BCL2L11: variants seen among roughly 807,000 people sequenced by gnomAD.
The protein encoded by BCL2L11 is BCL2 like 11.
A neutral mutation model predicts 20.6 loss-of-function variants in BCL2L11; 15 were observed. The ratio of observed to expected loss-of-function variants is 0.73; its 90% CI spans 0.49 to 1.12. BCL2L11 has a LOEUF of 1.12. Ranked by LOEUF, BCL2L11 falls within the 50% of genes most tolerant of loss-of-function variation. The probability of loss-of-function intolerance (pLI) is 0.00; values close to 1 mark genes in which losing one functional copy is unlikely to be tolerated. For missense variants in BCL2L11, 292 were observed against 260.9 expected (o/e 1.12, Z -0.82); for synonymous variants, 108 against 92.8 (o/e 1.16, Z -0.94).
chr2:111,141,207 A>G (rs1054496276), intron 2 of BCL2L11, among the ~76,000 whole-genome samples: 3 of 152,136 alleles, frequency 2.0e-5, no homozygotes, highest in South Asian at 2.1e-4. Flanking sequence ...AGTTAGAACA[A>G]TCCACACGTA....
intron 2 of BCL2L11, among the ~76,000 whole-genome samples, chr2:111,128,406 G>T (rs1327169646): frequency 2.6e-5 from 4 of 151,908 alleles, no homozygotes. Context: ...ATGAACATGG[G>T]TATGCAAATA....
intron 3 of BCL2L11, among the ~76,000 whole-genome samples, chr2:111,162,275 A>C (rs1202848333): frequency 6.6e-6 from 1 of 152,190 alleles, no homozygotes; most frequent in Non-Finnish European, 1.5e-5. Flanking sequence ...AGCGTGTGCC[A>C]TGTTGTCATG....
intron 3 of BCL2L11, among the ~76,000 whole-genome samples, chr2:111,158,986 C>T (rs918348685): frequency 6.6e-6 from 1 of 152,356 alleles, no homozygotes. Flanking sequence ...TGGGTGTCAG[C>T]CCTGCCTTTG....
At chr2:111,146,185 C>G in intron 2 of BCL2L11, 1 of 985,052 alleles carries the variant, frequency 1.0e-6, no homozygotes, top group Non-Finnish European at 1.2e-6. Context: ...CAGAATTTCC[C>G]CTTTGAAGAA....
At position 111,166,719 on chromosome 2, in the gene BCL2L11, G is replaced by A. The variant is rs916118219; in HGVS notation, c.*2488G>A. 3.3e-5 allele frequency: 5 copies of A among 152,588 alleles called. No homozygotes were observed. The highest frequency in any genetic ancestry group is 5.9e-5 in the Non-Finnish European group (4 of 68,036). The allele number at this position is 152,588 out of a possible 1,614,324, so 9.5% of individuals were successfully genotyped here. A position where few individuals can be genotyped will look rare whatever the true frequency, so the allele number is the denominator to read the frequency against. ...AAACACACACAAAATAGTTTCATGA[G>A]TGATTCTTCAGATGCCCTTCCCAAC... On this transcript the variant is annotated 3_prime_UTR_variant, in exon 4 of 4. Coordinates refer to ENST00000393256, the MANE Select transcript of BCL2L11 (RefSeq NM_138621.5).
chr2:111,142,199 C>T, intron 2 of BCL2L11: 1 of 848,578 alleles, frequency 1.2e-6, no homozygotes, highest in Non-Finnish European at 1.9e-6. Flanking sequence ...CCTTAACTTG[C>T]ACTTGTGCTA....
At chr2:111,134,703 T>G (rs2074543546) in intron 2 of BCL2L11, among the ~76,000 whole-genome samples, 1 of 152,236 alleles carries the variant, frequency 6.6e-6, no homozygotes, top group Admixed American at 6.5e-5. Flanking sequence ...ATGATAGGTC[T>G]GTTAGTAACA....
intron 2 of BCL2L11, among the ~76,000 whole-genome samples, chr2:111,142,073 C>G (rs889295764): frequency 6.6e-6 from 1 of 152,156 alleles, no homozygotes; most frequent in Non-Finnish European, 1.5e-5. Flanking sequence ...GGGCAGCAGC[C>G]GTGTCTGCCC....
chr2:111,122,340 C>G (rs2150121952), intron 1 of BCL2L11, among the ~76,000 whole-genome samples: 1 of 152,304 alleles, frequency 6.6e-6, no homozygotes, highest in South Asian at 2.1e-4. Context: ...GCTGCTAAGG[C>G]TTGTGTCCGG....
intron 3 of BCL2L11, chr2:111,161,443 C>G: frequency 1.3e-6 from 2 of 1,550,528 alleles, no homozygotes; most frequent in Non-Finnish European, 1.7e-6. Flanking sequence ...TGATTAAGAA[C>G]CACTGTAGCA....
At chr2:111,123,254 C>T in intron 1 of BCL2L11, 1 of 985,488 alleles carries the variant, frequency 1.0e-6, no homozygotes, top group Non-Finnish European at 1.2e-6. Context: ...CAGACCTTCC[C>T]CAGACTTGCT....
At chr2:111,124,481 G>A (rs181473690) in intron 2 of BCL2L11, among the ~76,000 whole-genome samples, 1 of 152,218 alleles carries the variant, frequency 6.6e-6, no homozygotes, top group East Asian at 1.9e-4. Context: ...TGGTAGAGAT[G>A]GGGTTTCACC....
At chr2:111,127,801 T>G (rs1282469713) in intron 2 of BCL2L11, among the ~76,000 whole-genome samples, 1 of 152,134 alleles carries the variant, frequency 6.6e-6, no homozygotes, top group African/African-American at 2.4e-5. Flanking sequence ...TAGTCTGAAC[T>G]GAGTTGTGCT....
chr2:111,142,842 C>G (rs1164313501), intron 2 of BCL2L11, among the ~76,000 whole-genome samples: 2 of 152,138 alleles, frequency 1.3e-5, no homozygotes, highest in African/African-American at 4.8e-5. Flanking sequence ...CCCTCTTGCC[C>G]AGATCTGGTT....
Position 111,121,498 on chromosome 2 carries a change from C to A in BCL2L11, c.-14+310C>A, listed in dbSNP as rs534159134. On this transcript the variant is annotated intron_variant, in intron 1 of 3. Coordinates refer to ENST00000393256, the MANE Select transcript of BCL2L11 (RefSeq NM_138621.5). ...CGGGCAGGAGGAGAGGCAGCGCGTG[C>A]CTTTCGGCGCCGGCCCGGGAGCTGA... Among the ~76,000 whole-genome samples the A allele has an allele frequency of 2.5e-4, 38 of 152,224 alleles. No individual in the cohort carries two copies. In the South Asian group the frequency reaches 6.8e-3, roughly 27 times the overall value.
Position 111,168,414 on chromosome 2 carries a change from T to C in BCL2L11, c.*4183T>C, listed in dbSNP as rs2079128483. On this transcript the variant is annotated 3_prime_UTR_variant, in exon 4 of 4. Coordinates refer to ENST00000393256, the MANE Select transcript of BCL2L11 (RefSeq NM_138621.5). ...CAGATTTTTAAACAATCTTTTATGTTAATTTTATAAAAATAAAACTTTCAA... is the reference window on the plus strand; with the variant it reads ...CAGATTTTTAAACAATCTTTTATGTCAATTTTATAAAAATAAAACTTTCAA... The C allele has an allele frequency of 6.5e-6, 1 of 152,700 alleles. No homozygotes were observed. Among genetic ancestry groups the C allele is most frequent in the Non-Finnish European group, 1.5e-5 (1 of 68,052 alleles). 9.5% of individuals were successfully genotyped at this position (152,700 alleles called of 1,614,324 possible).
chr2:111,154,223 C>G (rs1163284428), intron 3 of BCL2L11, among the ~76,000 whole-genome samples: 1 of 151,798 alleles, frequency 6.6e-6, no homozygotes, highest in African/African-American at 2.4e-5. Context: ...GTATATTTCC[C>G]AAAAATAGGA....
At chr2:111,126,111 T>A (rs1206039346) in intron 2 of BCL2L11, among the ~76,000 whole-genome samples, 3 of 152,172 alleles carry the variant, frequency 2.0e-5, no homozygotes, top group African/African-American at 7.2e-5. Flanking sequence ...AATGCATACA[T>A]TGGTCTCTGT....
chr2:111,129,288 C>T (rs1027427812), intron 2 of BCL2L11, among the ~76,000 whole-genome samples: 2 of 152,098 alleles, frequency 1.3e-5, no homozygotes, highest in Admixed American at 6.6e-5. Context: ...CTCTGAAACC[C>T]CAAAGTTACT....
Sources: allele counts gnomAD v4.1 joint callset (sites outside exome capture counted in the v4.1 genomes callset), GRCh38; gene constraint gnomAD v4.1.1; transcripts MANE v1.5; gene names NCBI Gene and HGNC (gene_info 2026-07-23, HGNC 2026-07-21).